Variants in SIL1 observed in about 807,000 individuals in gnomAD.
SIL1 encodes the protein nucleotide exchange factor SIL1.
Under a neutral mutation model 49.1 loss-of-function variants are expected in SIL1, and 40 were observed. The ratio of observed to expected loss-of-function variants is 0.81; its 90% confidence interval spans 0.63 to 1.06. SIL1 has a LOEUF of 1.06. SIL1 is among the 50% of genes least tolerant of loss of function. The probability of loss-of-function intolerance (pLI) is 0.00; values close to 1 mark genes in which losing one functional copy is unlikely to be tolerated. For missense variants in SIL1, 500 were observed against 572.6 expected (o/e 0.87, Z 1.29); for synonymous variants, 253 against 250.8 (o/e 1.01, Z -0.08).
intron 1 of SIL1, among the ~76,000 whole-genome samples, chr5:139,164,663 G>A (rs900005851): frequency 1.3e-5 from 2 of 152,104 alleles, no homozygotes; most frequent in African/African-American, 4.8e-5. Flanking sequence ...CTAGGAGGTG[G>A]GTATCAGTAC....
chr5:139,017,602 A>G (rs1768429282), intron 7 of SIL1, among the ~76,000 whole-genome samples: 1 of 152,186 alleles, frequency 6.6e-6, no homozygotes. Context: ...GAGAACAGCA[A>G]AGTCAGTGTT....
intron 1 of SIL1, among the ~76,000 whole-genome samples, chr5:139,145,253 T>C (rs988939279): frequency 6.6e-6 from 1 of 152,180 alleles, no homozygotes; most frequent in Non-Finnish European, 1.5e-5. Flanking sequence ...TTAGTCATCA[T>C]TAGAGAAATG....
chr5:139,082,378 A>T (rs1342288913), intron 3 of SIL1, among the ~76,000 whole-genome samples: 2 of 152,160 alleles, frequency 1.3e-5, no homozygotes, highest in African/African-American at 4.8e-5. Context: ...ACAGCACCTC[A>T]GGAACAACCA....
At chr5:139,193,420 T>A (rs898026144) in intron 1 of SIL1, among the ~76,000 whole-genome samples, 2 of 151,734 alleles carry the variant, frequency 1.3e-5, no homozygotes, top group African/African-American at 4.8e-5. Context: ...ACACAAAAAT[T>A]AGTTGGGCAT....
intron 1 of SIL1, among the ~76,000 whole-genome samples, chr5:139,192,858 G>A (rs1438117467): frequency 6.6e-6 from 1 of 151,736 alleles, no homozygotes; most frequent in Non-Finnish European, 1.5e-5. Flanking sequence ...TTAGCCAGAT[G>A]TGGTGGCACA....
At position 138,951,346 on chromosome 5, in the gene SIL1, A is replaced by G. The variant is rs1210226474; in HGVS notation, c.865-11T>C. The G allele has an allele frequency of 6.4e-7, 1 of 1,552,030 alleles. No individual in the cohort carries two copies. The highest frequency in any genetic ancestry group is 1.4e-5 in the African/African-American group (1 of 73,278). ...CAGTGCAAACAGGACCTGGGGGCAC[A>G]GACCCAGGGGTAGGTGAGGGGCCAA... On this transcript the variant is annotated splice_polypyrimidine_tract_variant and intron_variant, in intron 8 of 9. Transcript: ENST00000394817.
intron 1 of SIL1, among the ~76,000 whole-genome samples, chr5:139,171,707 TAAAAAGAAAAAAAATA>T (rs1272744617): frequency 2.7e-4 from 29 of 106,172 alleles, no homozygotes; most frequent in Admixed American, 1.4e-3. Flanking sequence ...TAAAAAAAAA[TAAAAAGAAAAAAAATA>T]AAAAAGAAAA....
At chr5:139,144,285 T>A (rs986302475) in intron 1 of SIL1, among the ~76,000 whole-genome samples, 1 of 151,942 alleles carries the variant, frequency 6.6e-6, no homozygotes, top group South Asian at 2.1e-4. Context: ...GACAGTGCCA[T>A]TGCACTTTAG....
intron 3 of SIL1, among the ~76,000 whole-genome samples, chr5:139,058,677 GGCTCTTA>G (rs1769513667): frequency 6.6e-6 from 1 of 152,050 alleles, no homozygotes; most frequent in East Asian, 1.9e-4. Flanking sequence ...CCTTCAGGTT[GGCTCTTA>G]CATTCCTTTG....
chr5:139,036,724 A>T (rs1279247565), intron 5 of SIL1, among the ~76,000 whole-genome samples: 1 of 152,198 alleles, frequency 6.6e-6, no homozygotes, highest in South Asian at 2.1e-4. Context: ...GGAGGGGATC[A>T]GGAAAAATAA....
chr5:139,101,946 T>C (rs546795568), intron 3 of SIL1, among the ~76,000 whole-genome samples: 1 of 152,256 alleles, frequency 6.6e-6, no homozygotes, highest in Non-Finnish European at 1.5e-5. Flanking sequence ...AGAGAGATAC[T>C]CAAAATCATG....
At chr5:138,976,840 T>C (rs1767403718) in intron 7 of SIL1, among the ~76,000 whole-genome samples, 2 of 150,656 alleles carry the variant, frequency 1.3e-5, no homozygotes, top group South Asian at 4.2e-4. Context: ...TATATGAAAT[T>C]AAAAAAAAAA....
At chr5:139,030,368 T>C (rs1388976079) in intron 5 of SIL1, among the ~76,000 whole-genome samples, 1 of 151,838 alleles carries the variant, frequency 6.6e-6, no homozygotes, top group Non-Finnish European at 1.5e-5. Flanking sequence ...TGCCTGTAAC[T>C]TGGGAGGCTG....
At chr5:138,965,479 G>A (rs1490667971) in intron 7 of SIL1, among the ~76,000 whole-genome samples, 2 of 152,138 alleles carry the variant, frequency 1.3e-5, no homozygotes, top group South Asian at 2.1e-4. Flanking sequence ...TGTCCAAACC[G>A]GGACACTTTT....
intron 1 of SIL1, among the ~76,000 whole-genome samples, chr5:139,167,855 T>TC (rs1318203328): frequency 2.6e-5 from 4 of 152,078 alleles, no homozygotes; most frequent in African/African-American, 7.2e-5. Context: ...TTTTATTTTT[T>TC]CTCTTTTAAT....
intron 3 of SIL1, among the ~76,000 whole-genome samples, chr5:139,070,541 A>T (rs1769809229): frequency 6.6e-6 from 1 of 152,226 alleles, no homozygotes; most frequent in Non-Finnish European, 1.5e-5. Context: ...AGTCCTGGGA[A>T]GGAAATGTAC....
At chr5:139,016,048 G>A (rs1238255857) in intron 7 of SIL1, among the ~76,000 whole-genome samples, 1 of 152,030 alleles carries the variant, frequency 6.6e-6, no homozygotes, top group African/African-American at 2.4e-5. Context: ...GATCACACCT[G>A]TGAAGAGCCC....
intron 1 of SIL1, among the ~76,000 whole-genome samples, chr5:139,189,296 G>A (rs1441592056): frequency 1.3e-5 from 2 of 152,124 alleles, no homozygotes; most frequent in Admixed American, 6.6e-5. Flanking sequence ...CCTGAGCACC[G>A]CCTCCTGTCA....
intron 4 of SIL1, among the ~76,000 whole-genome samples, chr5:139,043,110 G>C (rs1769081432): frequency 6.6e-6 from 1 of 152,196 alleles, no homozygotes; most frequent in Non-Finnish European, 1.5e-5. Context: ...TCATACCTTT[G>C]TCTTCAGTCA....
Sources: allele counts gnomAD v4.1 joint callset (sites outside exome capture counted in the v4.1 genomes callset), GRCh38; gene constraint gnomAD v4.1.1; transcripts MANE v1.5; gene names NCBI Gene and HGNC (gene_info 2026-07-23, HGNC 2026-07-21).